PTPRG: variants seen among roughly 807,000 people sequenced by gnomAD.
PTPRG encodes the protein protein tyrosine phosphatase receptor type G.
Under a neutral mutation model 165.3 loss-of-function variants are expected in PTPRG, and 102 were observed. The observed-to-expected ratio is 0.62, with a 90% confidence interval of 0.53 to 0.73. The LOEUF (loss-of-function observed/expected upper bound fraction) is 0.73. Among genes scored for constraint, PTPRG ranks in the 30% least tolerant of loss-of-function variants. PTPRG has a pLI of 0.00. For synonymous variants in PTPRG, 675 were observed against 669.5 expected, an observed-to-expected ratio of 1.01 and a Z score of -0.13; for missense variants, 1,866 against 1,861.4, an observed-to-expected ratio of 1.00 and a Z score of -0.05.
At chr3:61,855,427 G>C (rs1334918604) in intron 2 of PTPRG, among the ~76,000 whole-genome samples, 2 of 152,098 alleles carry the variant, frequency 1.3e-5, no homozygotes, top group African/African-American at 4.8e-5. Context: ...AAAACAGCAG[G>C]ATTCTTGCCC....
At chr3:61,962,500 A>G (rs1032203671) in intron 2 of PTPRG, among the ~76,000 whole-genome samples, 1 of 152,188 alleles carries the variant, frequency 6.6e-6, no homozygotes, top group African/African-American at 2.4e-5. Flanking sequence ...TGTGGCGTGT[A>G]TAGGAAAACT....
chr3:61,595,583 C>T (rs1231842084), intron 1 of PTPRG, among the ~76,000 whole-genome samples: 1 of 152,190 alleles, frequency 6.6e-6, no homozygotes, highest in Non-Finnish European at 1.5e-5. Flanking sequence ...AGGCCTTGAC[C>T]CTTCCTTCTC....
intron 2 of PTPRG, among the ~76,000 whole-genome samples, chr3:61,834,177 C>CCT (rs1448346762): frequency 6.6e-6 from 1 of 152,130 alleles, no homozygotes; most frequent in Non-Finnish European, 1.5e-5. Context: ...GACATGTTGC[C>CCT]TCTCCTGAGT....
chr3:62,014,822 C>A (rs553828685), intron 4 of PTPRG, among the ~76,000 whole-genome samples: 1 of 152,158 alleles, frequency 6.6e-6, no homozygotes, highest in Non-Finnish European at 1.5e-5. Context: ...ATAGTCAGCA[C>A]CCATCGAAAA....
chr3:61,773,095 C>G (rs1468742200), intron 2 of PTPRG, among the ~76,000 whole-genome samples: 2 of 152,148 alleles, frequency 1.3e-5, no homozygotes, highest in African/African-American at 4.8e-5. Flanking sequence ...ATGCAGGTGT[C>G]TATCTTAGGA....
intron 1 of PTPRG, among the ~76,000 whole-genome samples, chr3:61,626,434 G>C (rs1413901866): frequency 6.6e-6 from 1 of 152,138 alleles, no homozygotes; most frequent in Admixed American, 6.5e-5. Context: ...AACATAAGGG[G>C]TTGCATTTTC....
At chr3:61,943,371 C>G (rs908550910) in intron 2 of PTPRG, among the ~76,000 whole-genome samples, 1 of 152,114 alleles carries the variant, frequency 6.6e-6, no homozygotes, top group Admixed American at 6.6e-5. Context: ...GGTGGATCAC[C>G]TGAGGTCAGG....
chr3:62,151,559 T>A (rs1472645717), intron 6 of PTPRG, among the ~76,000 whole-genome samples: 1 of 151,678 alleles, frequency 6.6e-6, no homozygotes, highest in Non-Finnish European at 1.5e-5. Flanking sequence ...ATTGTCTGCA[T>A]ACAGCACCCG....
At chr3:61,736,174 C>G (rs2032715253) in intron 1 of PTPRG, among the ~76,000 whole-genome samples, 1 of 151,518 alleles carries the variant, frequency 6.6e-6, no homozygotes, top group Admixed American at 6.6e-5. Context: ...TCCCAAAGTG[C>G]TAGGATTACA....
intron 3 of PTPRG, among the ~76,000 whole-genome samples, chr3:62,001,332 T>C (rs1400407902): frequency 6.6e-6 from 1 of 152,202 alleles, no homozygotes; most frequent in Non-Finnish European, 1.5e-5. Flanking sequence ...ACAAGTAAAA[T>C]GACCCCTGAC....
chr3:62,269,951 C>T (rs1229449471), intron 20 of PTPRG, among the ~76,000 whole-genome samples: 7 of 152,028 alleles, frequency 4.6e-5, no homozygotes, highest in African/African-American at 1.7e-4. Context: ...ATCAATTAGG[C>T]ACAGCAAGAG....
intron 2 of PTPRG, among the ~76,000 whole-genome samples, chr3:61,774,980 C>T (rs1444799200): frequency 6.6e-6 from 1 of 152,180 alleles, no homozygotes; most frequent in East Asian, 1.9e-4. Flanking sequence ...TTCCATACTT[C>T]TGAATTCCCA....
intron 2 of PTPRG, among the ~76,000 whole-genome samples, chr3:61,855,704 TCTTA>T (rs551688598): frequency 4.6e-4 from 69 of 151,420 alleles, no homozygotes; most frequent in Admixed American, 8.6e-4. Context: ...TATAGTAATT[TCTTA>T]CTTTTATTTC....
chr3:62,218,830 T>C (rs1181851151), intron 12 of PTPRG, 21 bp from the exon 13 acceptor site: 3 of 1,609,336 alleles, frequency 1.9e-6, no homozygotes, highest in African/African-American at 2.7e-5. Context: ...GTCCTCTAAC[T>C]GGGATGATTT....
chr3:62,036,843 G>A (rs1056441201), intron 4 of PTPRG, among the ~76,000 whole-genome samples: 2 of 151,986 alleles, frequency 1.3e-5, no homozygotes, highest in Non-Finnish European at 2.9e-5. Context: ...GCAAATCATC[G>A]GGCCCTCCAG....
intron 1 of PTPRG, among the ~76,000 whole-genome samples, chr3:61,616,212 A>G (rs956305534): frequency 6.6e-6 from 1 of 152,128 alleles, no homozygotes; most frequent in South Asian, 2.1e-4. Context: ...TTGGCCTCCC[A>G]AAGTGCTGGG....
At chr3:61,820,601 C>CTTTTTTTT (rs2035921425) in intron 2 of PTPRG, among the ~76,000 whole-genome samples, 1 of 98,668 alleles carries the variant, frequency 1.0e-5, no homozygotes, top group African/African-American at 4.8e-5. Flanking sequence ...TCCTGTGTCT[C>CTTTTTTTT]TGTTTTTTTT....
At chr3:62,085,053 T>G (rs1389933535) in intron 5 of PTPRG, among the ~76,000 whole-genome samples, 1 of 152,218 alleles carries the variant, frequency 6.6e-6, no homozygotes, top group Non-Finnish European at 1.5e-5. Flanking sequence ...ATAAACTCTC[T>G]GAAGTTGAAG....
intron 6 of PTPRG, among the ~76,000 whole-genome samples, chr3:62,137,498 T>G (rs1703754609): frequency 6.6e-6 from 1 of 152,202 alleles, no homozygotes; most frequent in South Asian, 2.1e-4. Context: ...GGCGTGGTCA[T>G]GGAGAAGAAT....
Sources: gnomAD v4.1 joint callset for allele counts (sites outside exome capture counted in the v4.1 genomes callset) on GRCh38, gnomAD v4.1.1 for gene constraint, MANE v1.5 for transcripts, NCBI Gene and HGNC (gene_info 2026-07-23, HGNC 2026-07-21) for gene names.